Variants in DLG2 observed in about 807,000 individuals in gnomAD.
DLG2 encodes discs large MAGUK scaffold protein 2.
Under a neutral mutation model 132.5 loss-of-function variants are expected in DLG2, and 45 were observed. The ratio of observed to expected loss-of-function variants is 0.34; its 90% CI spans 0.27 to 0.44. The LOEUF (loss-of-function observed/expected upper bound fraction) is 0.44, where lower values mean the gene tolerates loss of function less well. Ranked by LOEUF, DLG2 falls within the 20% of genes least tolerant of loss-of-function variation. The pLI is 1.00. For synonymous variants in DLG2, 424 were observed against 419.6 expected, an observed-to-expected ratio of 1.01 and a Z score of -0.13; for missense variants, 1,045 against 1,196.9, an observed-to-expected ratio of 0.87 and a Z score of 1.87.
At chr11:84,118,321 G>A (rs972180378) in intron 9 of DLG2, among the ~76,000 whole-genome samples, 2 of 152,156 alleles carry the variant, frequency 1.3e-5, no homozygotes, top group Non-Finnish European at 2.9e-5. Context: ...GTAACAGTTT[G>A]CCCGATGGAA....
chr11:84,859,264 C>A (rs907834335), intron 6 of DLG2, among the ~76,000 whole-genome samples: 3 of 148,620 alleles, frequency 2.0e-5, no homozygotes, highest in African/African-American at 7.4e-5. Context: ...CATATATATA[C>A]ATGTTTTATA....
At position 84,754,137 on chromosome 11, in the gene DLG2, A is replaced by T. The variant is rs114942019; in HGVS notation, c.358-219406T>A. On this transcript the variant is annotated intron_variant, in intron 6 of 27. Coordinates refer to ENST00000376104, the MANE Select transcript of DLG2 (RefSeq NM_001142699.3). ...GCTTTGCTAAATAGGAGGACAAAAA[A>T]TATGGGAAAGGGTAAAAGAAATTAA... 7.3e-3 allele frequency among the ~76,000 whole-genome samples: 1,107 copies of T among 152,322 alleles called. 14 individuals carry two copies. Among genetic ancestry groups the T allele is most frequent in the African/African-American group, 0.024 (1,010 of 41,556 alleles).
rs967788393 is a variant in DLG2 at position 84,865,120 on chromosome 11, G to A, written c.357+246541C>T. The stretch of plus-strand genomic sequence containing the variant: ...TATATAAAAGGTTACTCTCTATTAC[G>A]AAGCAACATCATATAACATAAAATT... On this transcript the variant is annotated intron_variant, in intron 6 of 27. Transcript: ENST00000376104. 2.1e-4 allele frequency among the ~76,000 whole-genome samples: 32 copies of A among 152,052 alleles called. 1 individual carries two copies. Among genetic ancestry groups the A allele is most frequent in the African/African-American group, 3.6e-4 (15 of 41,382 alleles).
At chr11:84,338,287 A>G (rs1410135385) in intron 7 of DLG2, among the ~76,000 whole-genome samples, 1 of 151,972 alleles carries the variant, frequency 6.6e-6, no homozygotes, top group Admixed American at 6.6e-5. Flanking sequence ...CCCCAAGCCT[A>G]TTTCCTTGAT....
intron 17 of DLG2, among the ~76,000 whole-genome samples, chr11:83,828,404 A>G (rs985101028): frequency 1.3e-5 from 2 of 152,184 alleles, no homozygotes; most frequent in African/African-American, 4.8e-5. Context: ...AATAATAATA[A>G]CAAATCTACT....
chr11:84,107,944 C>T (rs1379964423), intron 9 of DLG2, among the ~76,000 whole-genome samples: 1 of 152,050 alleles, frequency 6.6e-6, no homozygotes. Flanking sequence ...ATGCCATCAA[C>T]GTGTTATGGG....
intron 6 of DLG2, among the ~76,000 whole-genome samples, chr11:84,960,277 A>G (rs962499881): frequency 5.3e-5 from 8 of 152,088 alleles, no homozygotes; most frequent in Non-Finnish European, 1.0e-4. Flanking sequence ...TCATCCTGGT[A>G]TACTCCAAAT....
At chr11:83,990,700 G>C (rs2093658909) in intron 11 of DLG2, among the ~76,000 whole-genome samples, 1 of 152,150 alleles carries the variant, frequency 6.6e-6, no homozygotes, top group South Asian at 2.1e-4. Flanking sequence ...TCAGTGAATT[G>C]GTTCAACTTT....
At chr11:83,722,261 C>T (rs1162364350) in intron 18 of DLG2, among the ~76,000 whole-genome samples, 5 of 152,130 alleles carry the variant, frequency 3.3e-5, no homozygotes, top group African/African-American at 1.2e-4. Flanking sequence ...TGGTCTCCCA[C>T]TGCCATGCAA....
intron 14 of DLG2, among the ~76,000 whole-genome samples, chr11:83,936,598 C>T (rs2081490699): frequency 6.6e-6 from 1 of 152,108 alleles, no homozygotes; most frequent in Admixed American, 6.6e-5. Flanking sequence ...TTATATTTTA[C>T]TGTGTTTATT....
At chr11:83,975,329 A>G (rs1293680754) in intron 12 of DLG2, among the ~76,000 whole-genome samples, 1 of 152,060 alleles carries the variant, frequency 6.6e-6, no homozygotes, top group Non-Finnish European at 1.5e-5. Flanking sequence ...CACAAAATCC[A>G]ATGTCACTGT....
chr11:83,731,159 G>T (rs1016560771), intron 18 of DLG2, among the ~76,000 whole-genome samples: 1 of 152,126 alleles, frequency 6.6e-6, no homozygotes, highest in African/African-American at 2.4e-5. Context: ...AGAGAAACAA[G>T]TGCAGAATGT....
intron 4 of DLG2, among the ~76,000 whole-genome samples, chr11:85,214,285 C>T (rs1455473753): frequency 6.6e-6 from 1 of 152,122 alleles, no homozygotes; most frequent in Non-Finnish European, 1.5e-5. Context: ...CTTTTTACTT[C>T]CTCCAGTGTC....
At chr11:84,969,298 C>A (rs2053746745) in intron 6 of DLG2, among the ~76,000 whole-genome samples, 1 of 152,108 alleles carries the variant, frequency 6.6e-6, no homozygotes, top group Non-Finnish European at 1.5e-5. Context: ...CCAGCCAGGG[C>A]CAGGAATGTC....
chr11:85,012,138 A>ACGGAGAAACTCCATTTC, intron 6 of DLG2, among the ~76,000 whole-genome samples: 2 of 76,390 alleles, frequency 2.6e-5, no homozygotes, highest in Non-Finnish European at 4.6e-5. Flanking sequence ...CCTGACCAAC[A>ACGGAGAAACTCCATTTC]TAATCTATGT....
chr11:85,028,601 C>T (rs1405547756), intron 6 of DLG2, among the ~76,000 whole-genome samples: 1 of 152,190 alleles, frequency 6.6e-6, no homozygotes, highest in African/African-American at 2.4e-5. Context: ...GGCCTGTCAG[C>T]CCTGCCGTAA....
chr11:85,015,864 G>A (rs2059535547), intron 6 of DLG2, among the ~76,000 whole-genome samples: 1 of 151,846 alleles, frequency 6.6e-6, no homozygotes, highest in Non-Finnish European at 1.5e-5. Flanking sequence ...ATACTTTATG[G>A]TAACTTATCT....
chr11:84,644,163 G>A (rs578255756), intron 6 of DLG2, among the ~76,000 whole-genome samples: 8 of 152,104 alleles, frequency 5.3e-5, no homozygotes, highest in African/African-American at 1.9e-4. Flanking sequence ...TTTCCCGGGG[G>A]CTGAGATGGG....
In DLG2 at chr11:85,600,288, C is replaced by A. The variant is rs188921569; in HGVS notation, c.-92-1500G>T. Among the ~76,000 whole-genome samples, 21 of 152,324 alleles carry A rather than the reference C, an allele frequency of 1.4e-4. 1 individual carries two copies. The highest frequency in any genetic ancestry group is 4.3e-4 in the African/African-American group (18 of 41,588). On this transcript the variant is annotated intron_variant, in intron 2 of 27. Transcript: ENST00000376104. Reference sequence around the variant, plus strand: ...CCATTATCAATTGCTTTCTTTTCCACTCAATCATCCCATCATTACTAAATC... The same window carrying A: ...CCATTATCAATTGCTTTCTTTTCCAATCAATCATCCCATCATTACTAAATC...
Sources: allele counts gnomAD v4.1 joint callset (sites outside exome capture counted in the v4.1 genomes callset), GRCh38; gene constraint gnomAD v4.1.1; transcripts MANE v1.5; gene names NCBI Gene and HGNC (gene_info 2026-07-23, HGNC 2026-07-21).